TMPRSS9: variants seen among roughly 807,000 people sequenced by gnomAD.
The protein encoded by TMPRSS9 is transmembrane protease serine 9.
In TMPRSS9, 113 loss-of-function variants were observed where a neutral mutation model predicts 111.4. The observed-to-expected ratio is 1.01, with a 90% CI of 0.87 to 1.19. The LOEUF is 1.19. Ranked by LOEUF, TMPRSS9 falls within the 50% of genes most tolerant of loss-of-function variation. The probability of loss-of-function intolerance (pLI) is 0.00; values close to 1 mark genes in which losing one functional copy is unlikely to be tolerated. For synonymous variants in TMPRSS9, 805 were observed against 659.1 expected, an observed-to-expected ratio of 1.22 and a Z score of -3.39; for missense variants, 1,803 against 1,513.1, an observed-to-expected ratio of 1.19 and a Z score of -3.18.
chr19:2,376,562 C>A (rs192801914), intron 1 of TMPRSS9, among the ~76,000 whole-genome samples: 111 of 152,160 alleles, frequency 7.3e-4, no homozygotes, highest in Admixed American at 1.7e-3. Flanking sequence ...CAGGTTCAAG[C>A]GATTCTTCTG....
intron 4 of TMPRSS9, among the ~76,000 whole-genome samples, chr19:2,400,534 T>G (rs1007413987): frequency 1.4e-5 from 2 of 143,118 alleles, no homozygotes; most frequent in African/African-American, 5.2e-5. Context: ...AGAGTGAGAC[T>G]CCATCTCAAA....
intron 6 of TMPRSS9, among the ~76,000 whole-genome samples, chr19:2,404,782 A>T (rs1002353630): frequency 3.3e-5 from 5 of 151,692 alleles, no homozygotes; most frequent in African/African-American, 1.2e-4. Flanking sequence ...AGTACAAAAA[A>T]TTAGCCAGGT....
At position 2,360,514 on chromosome 19, in the gene TMPRSS9, C is replaced by T. The variant is rs575362438; in HGVS notation, c.-26+154C>T. Among the ~76,000 whole-genome samples, 9 of 152,178 alleles carry T rather than the reference C, an allele frequency of 5.9e-5. No individual in the cohort carries two copies. The South Asian group carries it at 1.9e-3, about 32-fold the overall frequency. ...TGTAGATGCAGCCAGGCTGTGTAGACACCACCGGGGTTGTGGAGAGGCAGC... is the reference window on the plus strand; with the variant it reads ...TGTAGATGCAGCCAGGCTGTGTAGATACCACCGGGGTTGTGGAGAGGCAGC... On this transcript the variant is annotated intron_variant, in intron 1 of 17. Transcript: ENST00000649857.
intron 14 of TMPRSS9, among the ~76,000 whole-genome samples, chr19:2,422,971 C>A (rs984186160): frequency 6.6e-6 from 1 of 151,436 alleles, no homozygotes. Context: ...ACAGGAGAAT[C>A]ATTTGAGCTC....
chr19:2,400,141 C>A (rs1970798857), intron 4 of TMPRSS9, among the ~76,000 whole-genome samples: 1 of 152,210 alleles, frequency 6.6e-6, no homozygotes, highest in Non-Finnish European at 1.5e-5. Flanking sequence ...TGGCTGTTTA[C>A]CAATAAAACT....
rs1251141945 is a variant in TMPRSS9, at chr19:2,418,416, TCCC to T, written c.2154+279_2154+281del. ...CTCCCTGGCCTTTCCTTCCATTCCT[TCCC>T]TCCCTCCCTTTCCTTCCCTCCCTCC... On this transcript the variant is annotated intron_variant, in intron 13 of 17. Transcript: ENST00000648592. Among the ~76,000 whole-genome samples, 5 of 36,816 alleles carry T rather than the reference TCCC, an allele frequency of 1.4e-4. 1 individual carries two copies. Among genetic ancestry groups the T allele is most frequent in the African/African-American group, 3.1e-4 (2 of 6,416 alleles). The allele number at this position is 36,816 out of a possible 152,430, so 24.2% of individuals were successfully genotyped here.
chr19:2,375,241 G>A (rs1970322752), intron 1 of TMPRSS9, among the ~76,000 whole-genome samples: 1 of 152,232 alleles, frequency 6.6e-6, no homozygotes, highest in African/African-American at 2.4e-5. Flanking sequence ...AACTGATCTT[G>A]TTCTATAGAC....
At chr19:2,385,380 G>T (rs1970458395), upstream of TMPRSS9, among the ~76,000 whole-genome samples, 1 of 152,214 alleles carries the variant, frequency 6.6e-6, no homozygotes, top group South Asian at 2.1e-4. Context: ...CGCGGAAAAT[G>T]GGTGGATCCC....
At chr19:2,387,424 G>A (rs1297582182), upstream of TMPRSS9, among the ~76,000 whole-genome samples, 2 of 152,044 alleles carry the variant, frequency 1.3e-5, no homozygotes, top group African/African-American at 4.8e-5. Context: ...GAACCTGGGA[G>A]GCAGAGGTTG....
intron 1 of TMPRSS9, 39 bp from the exon 3 acceptor site, chr19:2,396,500 A>C: frequency 6.4e-7 from 1 of 1,553,874 alleles, no homozygotes; most frequent in Middle Eastern, 1.9e-4. Flanking sequence ...CTGAGCCCCC[A>C]AAGGTGGGCT....
In TMPRSS9 at chr19:2,362,836, G is replaced by A. The variant is rs140092200; in HGVS notation, c.-26+2476G>A. ...TGGTTGTGTGAGGTGTGTTTTGTGAGGGTGTGTGTGGTTGTGGTGTGTGGT... is the reference window on the plus strand; with the variant it reads ...TGGTTGTGTGAGGTGTGTTTTGTGAAGGTGTGTGTGGTTGTGGTGTGTGGT... On this transcript the variant is annotated intron_variant, in intron 1 of 17. Transcript: ENST00000649857. Among the ~76,000 whole-genome samples, 554 of 152,024 alleles carry A rather than the reference G, an allele frequency of 3.6e-3. 5 individuals carry two copies. The highest frequency in any genetic ancestry group is 0.013 in the African/African-American group (526 of 41,488).
At chr19:2,412,931 C>T (rs895859600) in intron 9 of TMPRSS9, among the ~76,000 whole-genome samples, 4 of 152,120 alleles carry the variant, frequency 2.6e-5, no homozygotes, top group East Asian at 1.9e-4. Flanking sequence ...CGGTGGCTCA[C>T]GCCTGTCATC....
At chr19:2,386,835 T>C (rs1488703220), upstream of TMPRSS9, among the ~76,000 whole-genome samples, 3 of 148,366 alleles carry the variant, frequency 2.0e-5, no homozygotes, top group Non-Finnish European at 4.5e-5. Context: ...CTACTAGAAA[T>C]ACAAAAATTA....
rs1242926025 is a variant in TMPRSS9 at position 2,422,227 on chromosome 19, C to CCA, written c.2536_2537dup (p.Gln847ProfsTer31). ...CCATTTCCAGACGCCCCGGAGGCCACCACACACACCCAGCTACCAGGTACC... is the reference window on the plus strand; with the variant it reads ...CCATTTCCAGACGCCCCGGAGGCCACCACACACACACCCAGCTACCAGGTACC... On this transcript the variant is annotated frameshift_variant, in exon 14 of 18. Transcript: ENST00000648592. LOFTEE classifies it high-confidence loss of function. The CCA allele has an allele frequency of 4.0e-6, 6 of 1,512,158 alleles. No individual in the cohort carries two copies. In the East Asian group the frequency reaches 1.4e-4, roughly 35 times the overall value. 93.7% of individuals were successfully genotyped at this position (1,512,158 alleles called of 1,614,324 possible).
intron 9 of TMPRSS9, 92 bp downstream of exon 10, chr19:2,410,486 G>C: frequency 1.3e-6 from 2 of 1,502,062 alleles, no homozygotes; most frequent in East Asian, 4.9e-5. Flanking sequence ...CTGGATGCCC[G>C]CTGTGAGCCC....
At chr19:2,366,741 C>T (rs1275369951) in intron 1 of TMPRSS9, among the ~76,000 whole-genome samples, 1 of 151,092 alleles carries the variant, frequency 6.6e-6, no homozygotes, top group Non-Finnish European at 1.5e-5. Context: ...CCTGTAGTCC[C>T]AGCTACTCAG....
chr19:2,364,872 G>T (rs1032045258), intron 1 of TMPRSS9, among the ~76,000 whole-genome samples: 8 of 151,866 alleles, frequency 5.3e-5, no homozygotes, highest in African/African-American at 1.7e-4. Flanking sequence ...CTGTAATCTC[G>T]GGAGGCTGAA....
chr19:2,409,944 G>A (rs1971059690), intron 8 of TMPRSS9, among the ~76,000 whole-genome samples: 2 of 152,054 alleles, frequency 1.3e-5, no homozygotes, highest in African/African-American at 4.8e-5. Flanking sequence ...TGGAATTTGA[G>A]GACTGTGGAC....
intron 13 of TMPRSS9, among the ~76,000 whole-genome samples, chr19:2,419,872 A>C (rs1033074598): frequency 4.6e-5 from 7 of 152,122 alleles, no homozygotes; most frequent in Non-Finnish European, 7.4e-5. Context: ...CAGACAGGTT[A>C]ATTTTCAGGC....
Sources: gnomAD v4.1 joint callset for allele counts (sites outside exome capture counted in the v4.1 genomes callset) on GRCh38, gnomAD v4.1.1 for gene constraint, MANE v1.5 for transcripts, NCBI Gene and HGNC (gene_info 2026-07-23, HGNC 2026-07-21) for gene names.